Variants in ANO1 observed in about 807,000 individuals in gnomAD.
The protein encoded by ANO1 is anoctamin 1, also known as anoctamin-1.
ANO1 carries 59 observed loss-of-function variants against 124.0 expected under a neutral mutation model. The ratio of observed to expected loss-of-function variants is 0.48; its 90% confidence interval spans 0.39 to 0.59. The LOEUF (loss-of-function observed/expected upper bound fraction) is 0.59, where lower values mean the gene tolerates loss of function less well. ANO1 is among the 20% of genes least tolerant of loss of function. ANO1 has a pLI of 0.00. For synonymous variants in ANO1, 529 were observed against 532.0 expected, an observed-to-expected ratio of 0.99 and a Z score of 0.08; for missense variants, 1,059 against 1,328.0, an observed-to-expected ratio of 0.80 and a Z score of 3.15.
chr11:70,101,354 C>G (rs745839375), intron 2 of ANO1, among the ~76,000 whole-genome samples: 8 of 151,520 alleles, frequency 5.3e-5, no homozygotes, highest in Non-Finnish European at 8.8e-5. Context: ...TCAGGAGTTC[C>G]AGACCAGCCT....
the ANO1 span, among the ~76,000 whole-genome samples, chr11:69,970,918 A>G: frequency 1.3e-5 from 2 of 152,164 alleles, no homozygotes; most frequent in African/African-American, 4.8e-5. Context: ...AGCCAGCAGG[A>G]AACAGAAAGG....
intron 1 of ANO1, among the ~76,000 whole-genome samples, chr11:70,054,828 C>T (rs782761155): frequency 1.3e-5 from 2 of 152,156 alleles, no homozygotes; most frequent in Non-Finnish European, 2.9e-5. Flanking sequence ...CTTCCCGAGT[C>T]ATAAATTTAG....
At position 70,026,127 on chromosome 11, in the gene ANO1, T is replaced by C. The variant is rs370675700; in HGVS notation, c.58+39961T>C. ...GTGGTGGTGATGATGACGATGGTGC[T>C]GGTGGTAGTGGTGATGACAGTGATG... On this transcript the variant is annotated intron_variant, in intron 1 of 27. Transcript: ENST00000531349. Among the ~76,000 whole-genome samples, 685 of 149,454 alleles carry C rather than the reference T, an allele frequency of 4.6e-3. 9 individuals are homozygous for C. The highest frequency in any genetic ancestry group is 0.016 in the African/African-American group (643 of 40,228).
At chr11:70,033,295 G>C (rs1331598277) in intron 1 of ANO1, among the ~76,000 whole-genome samples, 1 of 152,132 alleles carries the variant, frequency 6.6e-6, no homozygotes, top group African/African-American at 2.4e-5. Flanking sequence ...GGTGGGACTG[G>C]ACCCAGCTCT....
chr11:69,970,491 G>A, the ANO1 span, among the ~76,000 whole-genome samples: 1 of 152,216 alleles, frequency 6.6e-6, no homozygotes, highest in African/African-American at 2.4e-5. Flanking sequence ...CAGCACGCGG[G>A]AGGCAGGGGC....
In ANO1 at chr11:70,109,008, C is replaced by A. The variant is rs1220721016; in HGVS notation, c.799+604C>A. On this transcript the variant is annotated intron_variant, in intron 6 of 25. Coordinates refer to ENST00000355303, the MANE Select transcript of ANO1 (RefSeq NM_018043.7). ...CCACCCCCCACAGTGGGTCCCTTGC[C>A]CACAGCTGCAGGCAGTTTGTGAAAG... Among the ~76,000 whole-genome samples the A allele has an allele frequency of 3.9e-5, 6 of 152,164 alleles. No homozygotes were observed. The South Asian group carries it at 1.2e-3, about 31-fold the overall frequency.
At position 70,133,852 on chromosome 11, in the gene ANO1, G is replaced by C. The variant is rs369610587; in HGVS notation, c.1258+1773G>C. Among the ~76,000 whole-genome samples the C allele has an allele frequency of 8.5e-5, 13 of 152,330 alleles. No individual in the cohort carries two copies. In the East Asian group the frequency reaches 2.5e-3, roughly 29 times the overall value. Reference sequence around the variant, plus strand: ...GTATCAGGTGAGGTGAGGGAGGGGAGGCCTGGCCCACCCTCTGCAGCTCCT... The same window carrying C: ...GTATCAGGTGAGGTGAGGGAGGGGACGCCTGGCCCACCCTCTGCAGCTCCT... On this transcript the variant is annotated intron_variant, in intron 11 of 25. Transcript: ENST00000355303.
At chr11:70,032,472 G>C (rs529241780) in intron 1 of ANO1, among the ~76,000 whole-genome samples, 1 of 151,656 alleles carries the variant, frequency 6.6e-6, no homozygotes, top group African/African-American at 2.4e-5. Context: ...TCCCTGGGTG[G>C]GGAGAGGAGA....
At chr11:70,084,711 G>A (rs1228932733) in intron 1 of ANO1, among the ~76,000 whole-genome samples, 1 of 152,174 alleles carries the variant, frequency 6.6e-6, no homozygotes, top group Non-Finnish European at 1.5e-5. Flanking sequence ...GCCTGGTGTT[G>A]CCCAAACCTC....
At chr11:70,170,358 A>G (rs1476927278) in intron 21 of ANO1, among the ~76,000 whole-genome samples, 1 of 152,232 alleles carries the variant, frequency 6.6e-6, no homozygotes, top group African/African-American at 2.4e-5. Context: ...GAATCCCAGC[A>G]CTTTGGGTGG....
intron 24 of ANO1, 138 bp from the exon 25 acceptor site, chr11:70,185,452 C>A (rs2049076687): frequency 4.2e-6 from 3 of 720,204 alleles, no homozygotes; most frequent in South Asian, 1.8e-5. Flanking sequence ...GGCTGCTCGC[C>A]CAAGAGAGGG....
At chr11:70,021,487 T>C (rs1313218850) in intron 1 of ANO1, among the ~76,000 whole-genome samples, 1 of 151,930 alleles carries the variant, frequency 6.6e-6, no homozygotes, top group Non-Finnish European at 1.5e-5. Context: ...CTTTTTTTTT[T>C]TTAGCTCTAT....
chr11:70,177,375 C>T (rs904146650), intron 22 of ANO1, among the ~76,000 whole-genome samples: 8 of 152,310 alleles, frequency 5.3e-5, no homozygotes, highest in Middle Eastern at 3.4e-3. Context: ...TTTCTTGAAA[C>T]GTTCAACTCT....
intron 8 of ANO1, among the ~76,000 whole-genome samples, chr11:70,120,731 A>T (rs1191489235): frequency 6.6e-6 from 1 of 152,162 alleles, no homozygotes; most frequent in Non-Finnish European, 1.5e-5. Flanking sequence ...GATTGCATCC[A>T]TGTCACCAAG....
chr11:69,999,876 T>C (rs945663021), intron 1 of ANO1, among the ~76,000 whole-genome samples: 1 of 152,124 alleles, frequency 6.6e-6, no homozygotes, highest in Non-Finnish European at 1.5e-5. Context: ...GGCTATCACA[T>C]GGCCACCCTG....
At chr11:70,061,454 TTCTC>T (rs1198279969) in intron 1 of ANO1, among the ~76,000 whole-genome samples, 2 of 145,436 alleles carry the variant, frequency 1.4e-5, no homozygotes, top group South Asian at 2.2e-4. Flanking sequence ...TTCTCTCTCC[TTCTC>T]TCTCTCTCTC....
At chr11:69,969,241 C>T in the ANO1 span, among the ~76,000 whole-genome samples, 2 of 152,162 alleles carry the variant, frequency 1.3e-5, no homozygotes, top group Non-Finnish European at 2.9e-5. Flanking sequence ...CCCCAAAGCC[C>T]CAGGGAATCT....
At chr11:70,068,281 G>C (rs1022844513) in intron 1 of ANO1, among the ~76,000 whole-genome samples, 3 of 152,200 alleles carry the variant, frequency 2.0e-5, no homozygotes, top group Non-Finnish European at 4.4e-5. Flanking sequence ...GGTTGAATCG[G>C]GTAAAAATTG....
rs549079852 is a variant in ANO1, at chr11:70,047,379, T to G, written c.59-31163T>G. Among the ~76,000 whole-genome samples the G allele has an allele frequency of 2.6e-5, 4 of 152,266 alleles. No individual in the cohort carries two copies. In the South Asian group the frequency reaches 8.3e-4, roughly 32 times the overall value. On this transcript the variant is annotated intron_variant, in intron 1 of 27. Coordinates refer to the ANO1 transcript ENST00000531349. ...TTTAATTATATGGAGAAATAAGAAT[T>G]ATGGCTACAATAGATTGAAACACAT... is the stretch of plus-strand genomic sequence containing the variant.
Sources: allele counts gnomAD v4.1 joint callset (sites outside exome capture counted in the v4.1 genomes callset), GRCh38; gene constraint gnomAD v4.1.1; transcripts MANE v1.5; gene names NCBI Gene and HGNC (gene_info 2026-07-23, HGNC 2026-07-21).